Variants in ZHX3 observed in about 807,000 individuals in gnomAD.
ZHX3 encodes the protein zinc fingers and homeoboxes protein 3.
In ZHX3, 20 loss-of-function variants were observed where a neutral mutation model predicts 64.5. The ratio of observed to expected loss-of-function variants is 0.31; its 90% CI spans 0.22 to 0.45. The LOEUF is 0.45. Ranked by LOEUF, ZHX3 falls within the 20% of genes least tolerant of loss-of-function variation. ZHX3 has a pLI of 1.00. For synonymous variants in ZHX3, 423 were observed against 461.6 expected (o/e 0.92, Z 1.07); for missense variants, 1,041 against 1,195.8 (o/e 0.87, Z 1.91).
Position 41,296,232 on chromosome 20 carries a change from T to TAAAAAAAAAAAAAA in ZHX3, c.-245+21263_-245+21276dup, listed in dbSNP as rs57987896. The stretch of plus-strand genomic sequence containing the variant: ...TTCCCTTCTCCTCAAGTTCATAAAG[T>TAAAAAAAAAAAAAA]AAAAAAAAAAAAAAAAAAAAAAAAA... On this transcript the variant is annotated intron_variant, in intron 1 of 3. Transcript: ENST00000683867. Among the ~76,000 whole-genome samples the TAAAAAAAAAAAAAA allele has an allele frequency of 9.6e-5, 7 of 73,002 alleles. 1 individual carries two copies. Among genetic ancestry groups the TAAAAAAAAAAAAAA allele is most frequent in the Non-Finnish European group, 1.5e-4 (5 of 33,378 alleles). The allele number at this position is 73,002 out of a possible 152,430, so 47.9% of individuals were successfully genotyped here. A position where few individuals can be genotyped will look rare whatever the true frequency, so the allele number is the denominator to read the frequency against.
At chr20:41,241,293 G>C (rs1156428971) in intron 2 of ZHX3, among the ~76,000 whole-genome samples, 1 of 152,128 alleles carries the variant, frequency 6.6e-6, no homozygotes, top group Admixed American at 6.5e-5. Context: ...ATGCCCGTTT[G>C]CCATTTGTAT....
chr20:41,300,960 G>A (rs749765704), intron 1 of ZHX3, among the ~76,000 whole-genome samples: 1 of 152,130 alleles, frequency 6.6e-6, no homozygotes, highest in Non-Finnish European at 1.5e-5. Flanking sequence ...GTCAGACAAG[G>A]GCTAAAAGGC....
intron 2 of ZHX3, chr20:41,254,720 A>C (rs558371146): frequency 6.6e-6 from 1 of 152,190 alleles, no homozygotes; most frequent in Non-Finnish European, 1.5e-5. Flanking sequence ...CTATATATGC[A>C]TATATGGCTT....
At position 41,197,874 on chromosome 20, in the gene ZHX3, TA is replaced by T. The variant is rs547524234; in HGVS notation, c.2860+4182del. ...ATCTTACATTCTATGCCCATTAATATAGATTTATAATTTTTTAATGAATTTG... is the reference window on the plus strand; with the variant it reads ...ATCTTACATTCTATGCCCATTAATATGATTTATAATTTTTTAATGAATTTG... On this transcript the variant is annotated intron_variant, in intron 3 of 3. Transcript: ENST00000683867. Among the ~76,000 whole-genome samples, 425 of 152,276 alleles carry T rather than the reference TA, an allele frequency of 2.8e-3. 3 individuals carry two copies. Among genetic ancestry groups the T allele is most frequent in the South Asian group, 0.016 (75 of 4,830 alleles).
intron 2 of ZHX3, among the ~76,000 whole-genome samples, chr20:41,263,172 A>G (rs1038716023): frequency 8.5e-5 from 13 of 152,174 alleles, no homozygotes; most frequent in African/African-American, 2.9e-4. Context: ...TAGAACCTTC[A>G]AAGATAAGTT....
Position 41,182,411 on chromosome 20 carries a change from CCA to C in ZHX3, c.*2778_*2779del, listed in dbSNP as rs1313343200. 6 of 152,212 alleles carry C rather than the reference CCA, an allele frequency of 3.9e-5. No homozygotes were observed. The highest frequency in any genetic ancestry group is 7.3e-5 in the Non-Finnish European group (5 of 68,046). The allele number at this position is 152,212 out of a possible 1,614,324, so 9.4% of individuals were successfully genotyped here. ...TTTAACCCTTAGGCAGTGTGCAAAA[CCA>C]CAGTGAGCTGTCCTGTGACAGGGCT... On this transcript the variant is annotated 3_prime_UTR_variant, in exon 4 of 4. Transcript: ENST00000683867. The surrounding 1 kb of genome is among the most constrained non-coding windows in gnomAD (Gnocchi z 6.1).
At chr20:41,249,970 G>A (rs2041908612) in intron 2 of ZHX3, among the ~76,000 whole-genome samples, 1 of 152,066 alleles carries the variant, frequency 6.6e-6, no homozygotes, top group Non-Finnish European at 1.5e-5. Flanking sequence ...GAGTTCTGCC[G>A]ACAATACCAA....
intron 2 of ZHX3, among the ~76,000 whole-genome samples, chr20:41,261,408 T>A (rs2042555989): frequency 6.6e-6 from 1 of 152,106 alleles, no homozygotes; most frequent in South Asian, 2.1e-4. Context: ...CCAAACTGTT[T>A]CCTAGAGTGG....
rs145641581 is a variant in ZHX3, at chr20:41,293,863, A to G, written c.-245+23646T>C. On this transcript the variant is annotated intron_variant, in intron 1 of 3. Transcript: ENST00000683867. ...GAGCATCTGCTATGTGCCAGGCACC[A>G]TGCCAGGAGCTAAGGATACAGAGAG... 4.3e-4 allele frequency among the ~76,000 whole-genome samples: 65 copies of G among 152,350 alleles called. 1 individual carries two copies. In the East Asian group the frequency reaches 0.011, roughly 25 times the overall value.
chr20:41,237,163 G>T lies in ZHX3; in HGVS notation c.-151+31827C>A, dbSNP rs369817529. ...AATAGGAACACTTTTACACTGTTGG[G>T]GGGACTGTAAACTAGTTCAACCATT... On this transcript the variant is annotated intron_variant, in intron 2 of 3. Transcript: ENST00000683867. 9.4e-4 allele frequency among the ~76,000 whole-genome samples: 143 copies of T among 152,218 alleles called. 1 individual carries two copies. Among genetic ancestry groups the T allele is most frequent in the East Asian group, 5.8e-3 (30 of 5,186 alleles).
chr20:41,229,647 C>T (rs915298248), intron 2 of ZHX3, among the ~76,000 whole-genome samples: 7 of 151,976 alleles, frequency 4.6e-5, no homozygotes, highest in Admixed American at 4.6e-4. Flanking sequence ...TTTGTATTGC[C>T]TAATTATATT....
chr20:41,227,331 T>C (rs1313983683), intron 2 of ZHX3, among the ~76,000 whole-genome samples: 1 of 152,250 alleles, frequency 6.6e-6, no homozygotes, highest in Non-Finnish European at 1.5e-5. Context: ...GCTCAGTACC[T>C]GAGCCTTCTC....
chr20:41,281,233 T>A (rs1231850306), intron 1 of ZHX3, among the ~76,000 whole-genome samples: 1 of 149,778 alleles, frequency 6.7e-6, no homozygotes, highest in Non-Finnish European at 1.5e-5. Context: ...CTCTCATATA[T>A]CCCTAAAACT....
intron 3 of ZHX3, chr20:41,188,408 C>CCTCT (rs2036714522): frequency 1.9e-5 from 2 of 102,634 alleles, no homozygotes; most frequent in African/African-American, 7.3e-5. Context: ...CCACCCCCAC[C>CCTCT]TTTTTTTTTT....
chr20:41,249,769 G>GA (rs1479008080), intron 2 of ZHX3, among the ~76,000 whole-genome samples: 1 of 152,252 alleles, frequency 6.6e-6, no homozygotes, highest in African/African-American at 2.4e-5. Context: ...TGTAAATCCT[G>GA]AAAATAACAC....
At chr20:41,289,787 T>A (rs1262504098) in intron 1 of ZHX3, among the ~76,000 whole-genome samples, 2 of 151,784 alleles carry the variant, frequency 1.3e-5, no homozygotes, top group Non-Finnish European at 2.9e-5. Flanking sequence ...CTGTCTTACT[T>A]GGTTCATGGC....
rs1358997414 is a variant in ZHX3, at chr20:41,180,595, T to C, written c.*4596A>G. On this transcript the variant is annotated 3_prime_UTR_variant, in exon 4 of 4. Transcript: ENST00000683867. The stretch of plus-strand genomic sequence containing the variant: ...AGGAATGAAGAACCAAAAAGGAGGC[T>C]CTCAACCCCTCTCCAAGGCCAGACG... The C allele has an allele frequency of 6.6e-6, 1 of 152,246 alleles. No individual in the cohort carries two copies. The highest frequency in any genetic ancestry group is 2.4e-5 in the African/African-American group (1 of 41,436). 9.4% of individuals were successfully genotyped at this position (152,246 alleles called of 1,614,324 possible).
intron 2 of ZHX3, among the ~76,000 whole-genome samples, chr20:41,254,183 T>C (rs989532693): frequency 6.6e-6 from 1 of 152,000 alleles, no homozygotes; most frequent in Non-Finnish European, 1.5e-5. Flanking sequence ...ACTGCAAAAA[T>C]AAAAATAAAA....
chr20:41,281,767 G>T (rs375852406), intron 1 of ZHX3, among the ~76,000 whole-genome samples: 3 of 152,240 alleles, frequency 2.0e-5, no homozygotes, highest in Non-Finnish European at 4.4e-5. Flanking sequence ...ACAGTGATGG[G>T]TGTTTAAACA....
Sources: gnomAD v4.1 joint callset for allele counts (sites outside exome capture counted in the v4.1 genomes callset) on GRCh38, gnomAD v4.1.1 for gene constraint, Gnocchi (gnomAD v3.1) non-coding constraint, MANE v1.5 for transcripts, NCBI Gene and HGNC (gene_info 2026-07-23, HGNC 2026-07-21) for gene names.